CDC42BPB: variants seen among roughly 807,000 people sequenced by gnomAD.
CDC42BPB encodes CDC42 binding protein kinase beta.
In CDC42BPB, 37 loss-of-function variants were observed where a neutral mutation model predicts 214.9. That is an observed-to-expected ratio of 0.17 (90% CI 0.13 to 0.23). The LOEUF is 0.23. Among genes scored for constraint, CDC42BPB ranks in the 10% least tolerant of loss-of-function variants. The pLI, the probability that CDC42BPB is intolerant of heterozygous loss-of-function variation, is 1.00. For synonymous variants in CDC42BPB, 931 were observed against 884.0 expected (o/e 1.05, Z -0.94); for missense variants, 1,694 against 2,227.0 (o/e 0.76, Z 4.82).
Position 102,943,873 on chromosome 14 carries a change from C to A in CDC42BPB, c.4408+18G>T. The A allele has an allele frequency of 6.3e-7, 1 of 1,576,872 alleles. No individual in the cohort carries two copies. The highest frequency in any genetic ancestry group is 8.6e-7 in the Non-Finnish European group (1 of 1,163,006). ...GAAAAGCAGCAACAGGGATATGCAA[C>A]AGAAAACATATACATACTACAGGCG... On this transcript the variant is annotated intron_variant, in intron 30 of 36. Coordinates refer to ENST00000361246, the MANE Select transcript of CDC42BPB (RefSeq NM_006035.4). This position sits in a 1 kb window ranked among gnomAD's most constrained non-coding sequence, Gnocchi z 4.6.
At chr14:103,041,537 T>C (rs1304792391) in intron 1 of CDC42BPB, 7 of 1,366,144 alleles carry the variant, frequency 5.1e-6, no homozygotes, top group South Asian at 1.2e-5. Context: ...CGTGGCCACA[T>C]GGTTCAACCA....
In CDC42BPB at chr14:103,004,823, T is replaced by G. The variant is rs1174811094; in HGVS notation, c.352-800A>C. On this transcript the variant is annotated intron_variant, in intron 3 of 36. Transcript: ENST00000361246. The surrounding 1 kb of genome is among the most constrained non-coding windows in gnomAD (Gnocchi z 5.3). ...AGCGGAGGTTGCGGTGAGCCAAAATTGCATCACCGTACTCCAGCCTGGACG... is the reference window on the plus strand; with the variant it reads ...AGCGGAGGTTGCGGTGAGCCAAAATGGCATCACCGTACTCCAGCCTGGACG... Among the ~76,000 whole-genome samples the G allele has an allele frequency of 6.7e-6, 1 of 148,862 alleles. No individual in the cohort carries two copies. The highest frequency in any genetic ancestry group is 6.7e-5 in the Admixed American group (1 of 14,932).
At chr14:102,962,354 A>T (rs34790978) in intron 20 of CDC42BPB, among the ~76,000 whole-genome samples, 2,160 of 152,336 alleles carry the variant, frequency 0.014, 21 homozygotes, top group Admixed American at 0.022. Flanking sequence ...CTATCCATAC[A>T]GCCACTCCTG....
chr14:103,053,282 G>C (rs1305855661), intron 1 of CDC42BPB, among the ~76,000 whole-genome samples: 1 of 152,024 alleles, frequency 6.6e-6, no homozygotes, highest in African/African-American at 2.4e-5. Context: ...GGGAGGCGGA[G>C]GTTGCAGTGA....
At position 102,980,755 on chromosome 14, in the gene CDC42BPB, C is replaced by A; in HGVS notation, c.1140+18G>T. On this transcript the variant is annotated intron_variant, in intron 8 of 36. Coordinates refer to ENST00000361246, the MANE Select transcript of CDC42BPB (RefSeq NM_006035.4). ...GACCCACAGCCAGCAACCCTGAGAA[C>A]GGTGCTTTCACACTCACCGTGTTTC... is the stretch of plus-strand genomic sequence containing the variant. The A allele has an allele frequency of 6.2e-7, 1 of 1,612,662 alleles. No individual in the cohort carries two copies. The highest frequency in any genetic ancestry group is 2.2e-5 in the East Asian group (1 of 44,868).
At chr14:103,049,319 G>A (rs890860323) in intron 1 of CDC42BPB, among the ~76,000 whole-genome samples, 2 of 152,208 alleles carry the variant, frequency 1.3e-5, no homozygotes, top group Non-Finnish European at 2.9e-5. Context: ...GATGGCCACC[G>A]TCTCAGATGG....
At chr14:103,021,740 T>C (rs546577048) in intron 1 of CDC42BPB, among the ~76,000 whole-genome samples, 1 of 149,422 alleles carries the variant, frequency 6.7e-6, no homozygotes, top group East Asian at 2.0e-4. Flanking sequence ...AGACCACAGA[T>C]TGAGTCTGAG....
chr14:103,003,969 T>A lies in CDC42BPB; in HGVS notation c.406A>T (p.Ile136Phe). Reference sequence around the variant, plus strand: ...TGAAAGGCGTAGTGCAGCGCGGTGATCCACTGGCAGTCGCCGTTCACCAGC... The same window carrying A: ...TGAAAGGCGTAGTGCAGCGCGGTGAACCACTGGCAGTCGCCGTTCACCAGC... ...DVLVNGDCQW[I>F]TALHYAFQDE... Residue 136 changes from isoleucine to phenylalanine, a missense_variant, in exon 4 of 37, where the codon ATC (isoleucine) becomes TTC (phenylalanine). By Grantham distance (21) the Ile-to-Phe change is conservative. Coordinates refer to ENST00000361246, the MANE Select transcript of CDC42BPB (RefSeq NM_006035.4). The A allele has an allele frequency of 6.2e-7, 1 of 1,611,684 alleles. No homozygotes were observed.
chr14:102,939,427 A>T (rs1208150042), intron 34 of CDC42BPB, among the ~76,000 whole-genome samples, 183 bp downstream of exon 34: 1 of 152,188 alleles, frequency 6.6e-6, no homozygotes, highest in Non-Finnish European at 1.5e-5. Flanking sequence ...AGGCCTTGTG[A>T]CAGGGTAAGT....
chr14:102,987,973 C>G (rs1894324909), intron 5 of CDC42BPB, among the ~76,000 whole-genome samples: 1 of 151,406 alleles, frequency 6.6e-6, no homozygotes, highest in Non-Finnish European at 1.5e-5. Context: ...GACCCTGTCT[C>G]AAAACACAAA....
At chr14:103,000,835 C>T (rs915929155) in intron 4 of CDC42BPB, among the ~76,000 whole-genome samples, 2 of 152,226 alleles carry the variant, frequency 1.3e-5, no homozygotes, top group African/African-American at 4.8e-5. Flanking sequence ...TTGCCTCTGG[C>T]ACCAAGACCC....
intron 1 of CDC42BPB, among the ~76,000 whole-genome samples, chr14:103,020,104 T>C (rs941044955): frequency 6.6e-6 from 1 of 152,196 alleles, no homozygotes; most frequent in Non-Finnish European, 1.5e-5. Context: ...CGGCAGAAGC[T>C]CTCCGCCTCC....
intron 5 of CDC42BPB, among the ~76,000 whole-genome samples, chr14:102,997,362 C>A (rs551244823): frequency 4.3e-4 from 65 of 152,210 alleles, no homozygotes; most frequent in Non-Finnish European, 9.0e-4. Context: ...TCAAAAAACT[C>A]TCTCATATAC....
intron 26 of CDC42BPB, 33 bp from the exon 27 acceptor site, chr14:102,947,835 GAC>G: frequency 2.5e-6 from 4 of 1,611,028 alleles, no homozygotes; most frequent in Non-Finnish European, 3.4e-6. Flanking sequence ...CCCGCTGGGA[GAC>G]ACGCGCACAG....
chr14:102,933,545 T>C lies in CDC42BPB; in HGVS notation c.*167A>G, dbSNP rs192828362. 1.8e-4 allele frequency: 102 copies of C among 555,002 alleles called. No individual in the cohort carries two copies. The highest frequency in any genetic ancestry group is 1.4e-3 in the Middle Eastern group (3 of 2,138). 34.4% of individuals were successfully genotyped at this position (555,002 alleles called of 1,614,324 possible). Reference sequence around the variant, plus strand: ...AGATGTGGTCTACTGCCACGAACAATGCGGCATAAAACTGATCAATATTAT... The same window carrying C: ...AGATGTGGTCTACTGCCACGAACAACGCGGCATAAAACTGATCAATATTAT... On this transcript the variant is annotated 3_prime_UTR_variant, in exon 37 of 37. Transcript: ENST00000361246.
intron 1 of CDC42BPB, among the ~76,000 whole-genome samples, chr14:103,013,227 G>A (rs1297147442): frequency 4.6e-5 from 7 of 152,152 alleles, no homozygotes; most frequent in Admixed American, 2.0e-4. Context: ...CAGGAGCCAC[G>A]GGGCAGCTCA....
chr14:102,942,102 C>A (rs1167305322), intron 30 of CDC42BPB, among the ~76,000 whole-genome samples: 3 of 152,228 alleles, frequency 2.0e-5, no homozygotes, highest in African/African-American at 7.2e-5. Flanking sequence ...TGGTTTTAAA[C>A]CCTGTGCTGG....
intron 24 of CDC42BPB, among the ~76,000 whole-genome samples, chr14:102,951,117 G>C (rs1407710512): frequency 6.6e-6 from 1 of 152,216 alleles, no homozygotes; most frequent in Non-Finnish European, 1.5e-5. Context: ...TGCGCACAGG[G>C]AAAGGGCCCA....
In CDC42BPB at chr14:103,038,715, C is replaced by CGG. The variant is rs34311134; in HGVS notation, c.175+18282_175+18283dup. Among the ~76,000 whole-genome samples the CGG allele has an allele frequency of 5.1e-3, 148 of 29,140 alleles. 4 individuals are homozygous for CGG. The highest frequency in any genetic ancestry group is 8.5e-3 in the South Asian group (6 of 710). 19.1% of individuals were successfully genotyped at this position (29,140 alleles called of 152,430 possible). ...CTAATTTTTCTATTTTTTGTAGAGA[C>CGG]GGGGGGGGGGGGCGGGTCTCATTAT... On this transcript the variant is annotated intron_variant, in intron 1 of 36. Coordinates refer to ENST00000361246, the MANE Select transcript of CDC42BPB (RefSeq NM_006035.4).
Sources: gnomAD v4.1 joint callset for allele counts (sites outside exome capture counted in the v4.1 genomes callset) on GRCh38, gnomAD v4.1.1 for gene constraint, Gnocchi (gnomAD v3.1) non-coding constraint, MANE v1.5 for transcripts, NCBI Gene and HGNC (gene_info 2026-07-23, HGNC 2026-07-21) for gene names.